PCDH11X: variants seen among roughly 807,000 people sequenced by gnomAD.
The protein encoded by PCDH11X is protocadherin 11 X-linked.
A neutral mutation model predicts 53.3 loss-of-function variants in PCDH11X; 18 were observed. The observed-to-expected ratio is 0.34, with a 90% CI of 0.23 to 0.50. The LOEUF is 0.50. Among genes scored for constraint, PCDH11X ranks in the 20% least tolerant of loss-of-function variants. PCDH11X has a pLI of 0.98. For synonymous variants in PCDH11X, 279 were observed against 393.3 expected, an observed-to-expected ratio of 0.71 and a Z score of 3.44; for missense variants, 570 against 1,032.4, an observed-to-expected ratio of 0.55 and a Z score of 6.14.
chrX:92,308,949 G>A (rs1046126385), intron 8 of PCDH11X, among the ~76,000 whole-genome samples: 2 of 110,160 alleles, frequency 1.8e-5, no homozygotes, highest in African/African-American at 6.6e-5. Context: ...ACTTCTCACC[G>A]ATTCGAAAGG....
chrX:92,510,754 C>T (rs180897270), intron 10 of PCDH11X, among the ~76,000 whole-genome samples: 3 of 110,912 alleles, frequency 2.7e-5, no homozygotes, highest in Non-Finnish European at 5.7e-5. Context: ...CTTTTGTATT[C>T]GATTAGATTA....
chrX:92,015,856 T>C (rs915936598), intron 6 of PCDH11X, among the ~76,000 whole-genome samples: 1 of 112,027 alleles, frequency 8.9e-6, no homozygotes, highest in African/African-American at 3.2e-5. Context: ...GGATTTAGAA[T>C]GATGAATCTT....
At chrX:92,163,763 T>G (rs910223789) in intron 6 of PCDH11X, among the ~76,000 whole-genome samples, 56 of 111,010 alleles carry the variant, frequency 5.0e-4, no homozygotes, top group Non-Finnish European at 9.2e-4. Flanking sequence ...CTTGGTATAT[T>G]TCTGTAGGAG....
intron 7 of PCDH11X, among the ~76,000 whole-genome samples, chrX:92,219,238 G>C (rs1389439619): frequency 9.0e-6 from 1 of 110,750 alleles, no homozygotes; most frequent in East Asian, 2.9e-4. Flanking sequence ...ATTCAATTAG[G>C]AAAAGAGGAA....
At chrX:91,947,249 G>T (rs1163711801) in intron 6 of PCDH11X, among the ~76,000 whole-genome samples, 2 of 109,565 alleles carry the variant, frequency 1.8e-5, no homozygotes, top group African/African-American at 6.6e-5. Flanking sequence ...TCCAAGAAAT[G>T]ATTATTATCA....
intron 6 of PCDH11X, among the ~76,000 whole-genome samples, chrX:92,003,487 C>A (rs2062545082): frequency 1.9e-5 from 2 of 107,577 alleles, no homozygotes; most frequent in Admixed American, 9.9e-5. Context: ...TTGCATTCAG[C>A]AGTTTAGTCA....
At chrX:92,397,480 T>G (rs866119185) in intron 9 of PCDH11X, among the ~76,000 whole-genome samples, 74 of 109,821 alleles carry the variant, frequency 6.7e-4, no homozygotes, top group African/African-American at 2.1e-3. Flanking sequence ...TTTTTTTTTT[T>G]GGGTGGGGGG....
chrX:92,505,084 A>G (rs1432676547), intron 10 of PCDH11X, among the ~76,000 whole-genome samples: 1 of 108,084 alleles, frequency 9.3e-6, no homozygotes, highest in Non-Finnish European at 1.9e-5. Context: ...TCATTTGAAT[A>G]AATTTTCTCC....
chrX:92,554,992 T>C (rs928969906), intron 10 of PCDH11X, among the ~76,000 whole-genome samples: 3 of 111,941 alleles, frequency 2.7e-5, no homozygotes, highest in Non-Finnish European at 3.8e-5. Context: ...AATTAACTTG[T>C]TTACAAATGT....
intron 6 of PCDH11X, among the ~76,000 whole-genome samples, chrX:91,910,321 C>T (rs1002724136): frequency 1.9e-5 from 2 of 105,822 alleles, no homozygotes; most frequent in East Asian, 3.0e-4. Flanking sequence ...AGGCCACCTA[C>T]GGTGGATAGA....
At chrX:91,918,938 C>T (rs1239610362) in intron 6 of PCDH11X, among the ~76,000 whole-genome samples, 1 of 110,977 alleles carries the variant, frequency 9.0e-6, no homozygotes, top group Non-Finnish European at 1.9e-5. Flanking sequence ...ATGCATGTAC[C>T]ATCAGTACTT....
intron 6 of PCDH11X, among the ~76,000 whole-genome samples, chrX:91,912,814 C>T (rs185468445): frequency 9.0e-6 from 1 of 110,764 alleles, no homozygotes; most frequent in African/African-American, 3.3e-5. Flanking sequence ...ATTCACAGAT[C>T]CTTTGAAGGA....
Position 92,227,283 on chromosome X carries a change from T to G in PCDH11X, c.3114+25828T>G, listed in dbSNP as rs755218655. Among the ~76,000 whole-genome samples the G allele has an allele frequency of 9.0e-5, 10 of 111,596 alleles. 1 individual carries two copies. In the South Asian group the frequency reaches 3.7e-3, roughly 42 times the overall value. ...AAATATACTAGTTTTAACTCCCTTTTTCTGTTTTCTATTTTTTTTTCCTGG... is the reference window on the plus strand; with the variant it reads ...AAATATACTAGTTTTAACTCCCTTTGTCTGTTTTCTATTTTTTTTTCCTGG... On this transcript the variant is annotated intron_variant, in intron 7 of 10. Transcript: ENST00000682573.
chrX:92,501,931 CTTTG>C (rs1263337195), intron 10 of PCDH11X, among the ~76,000 whole-genome samples: 1 of 110,592 alleles, frequency 9.0e-6, no homozygotes, highest in Non-Finnish European at 1.9e-5. Context: ...GTCAAATTAT[CTTTG>C]TTTGCAGATG....
intron 4 of PCDH11X, among the ~76,000 whole-genome samples, chrX:91,827,041 T>TG (rs1936948971): frequency 9.0e-6 from 1 of 111,526 alleles, no homozygotes; most frequent in Non-Finnish European, 1.9e-5. Context: ...ATCACTATGC[T>TG]GCTTCCCACT....
intron 6 of PCDH11X, among the ~76,000 whole-genome samples, chrX:92,006,628 A>C (rs774578080): frequency 9.1e-6 from 1 of 110,077 alleles, no homozygotes; most frequent in African/African-American, 3.3e-5. Context: ...TATTGAGTTC[A>C]TTTGGTGAGG....
chrX:92,425,577 G>C (rs916646027), intron 9 of PCDH11X, among the ~76,000 whole-genome samples: 15 of 110,180 alleles, frequency 1.4e-4, no homozygotes, highest in Non-Finnish European at 2.7e-4. Context: ...TTTTTCTCAT[G>C]TAAATAGAAG....
intron 10 of PCDH11X, among the ~76,000 whole-genome samples, chrX:92,507,467 ATCCTTGCTACTGTCCT>A (rs1163906900): frequency 4.5e-5 from 5 of 111,018 alleles, no homozygotes; most frequent in African/African-American, 1.6e-4. Flanking sequence ...CTTCCGGTTT[ATCCTTGCTACTGTCCT>A]CGGTTGGGCT....
chrX:92,220,848 A>C (rs1396889645), intron 7 of PCDH11X, among the ~76,000 whole-genome samples: 1 of 106,138 alleles, frequency 9.4e-6, no homozygotes, highest in African/African-American at 3.4e-5. Flanking sequence ...GCACATATAC[A>C]CCATGGAATA....
Sources: gnomAD v4.1 joint callset for allele counts (sites outside exome capture counted in the v4.1 genomes callset) on GRCh38, gnomAD v4.1.1 for gene constraint, MANE v1.5 for transcripts, NCBI Gene and HGNC (gene_info 2026-07-23, HGNC 2026-07-21) for gene names.